Variants in CHEK2 observed in about 807,000 individuals in gnomAD.
The protein encoded by CHEK2 is checkpoint kinase 2, also known as serine/threonine-protein kinase Chk2.
In CHEK2, 71 loss-of-function variants were observed where a neutral mutation model predicts 69.1. The observed-to-expected ratio is 1.03, with a 90% CI of 0.85 to 1.25. CHEK2 has a LOEUF of 1.25. CHEK2 is among the 50% of genes most tolerant of loss of function. CHEK2 has a pLI of 0.00. For missense variants in CHEK2, 664 were observed against 649.6 expected (o/e 1.02, Z -0.24); for synonymous variants, 189 against 226.9 (o/e 0.83, Z 1.50).
intron 1 of CHEK2, among the ~76,000 whole-genome samples, chr22:28,736,633 G>A (rs2054414671): frequency 6.6e-6 from 1 of 152,166 alleles, no homozygotes; most frequent in Non-Finnish European, 1.5e-5. Context: ...GAATTAACCT[G>A]ATAGACAGTT....
chr22:28,707,779 G>A (rs544502480), intron 7 of CHEK2, among the ~76,000 whole-genome samples: 2 of 147,358 alleles, frequency 1.4e-5, no homozygotes, highest in South Asian at 2.2e-4. Context: ...CAAATGTTAT[G>A]TTTGAAGATC....
At chr22:28,730,626 G>A (rs1357702074) in intron 2 of CHEK2, 10 of 557,358 alleles carry the variant, frequency 1.8e-5, no homozygotes, top group African/African-American at 1.5e-4. Flanking sequence ...GGGAGGCCGA[G>A]GCGGGTGGAT....
chr22:28,741,240 A>T (rs910376052), intron 1 of CHEK2, among the ~76,000 whole-genome samples: 3 of 151,400 alleles, frequency 2.0e-5, no homozygotes, highest in African/African-American at 7.3e-5. Flanking sequence ...AAAATTCCAG[A>T]GGTCTTTCAA....
At chr22:28,731,707 T>C (rs1321275532) in intron 2 of CHEK2, among the ~76,000 whole-genome samples, 1 of 152,132 alleles carries the variant, frequency 6.6e-6, no homozygotes, top group Non-Finnish European at 1.5e-5. Context: ...TTTTTCCTTT[T>C]TGTGGAGAAT....
intron 2 of CHEK2, among the ~76,000 whole-genome samples, chr22:28,726,602 G>A (rs2054021679): frequency 6.9e-6 from 1 of 144,294 alleles, no homozygotes; most frequent in African/African-American, 2.5e-5. Context: ...ATTAATATAT[G>A]TATTTATATA....
chr22:28,732,110 T>A (rs1246000029), intron 2 of CHEK2, among the ~76,000 whole-genome samples: 3 of 151,468 alleles, frequency 2.0e-5, no homozygotes, highest in Non-Finnish European at 2.9e-5. Flanking sequence ...CCCCGCAAAT[T>A]TTTTTTTCTT....
intron 5 of CHEK2, among the ~76,000 whole-genome samples, chr22:28,714,000 T>C (rs2053501108): frequency 1.3e-5 from 2 of 152,230 alleles, no homozygotes; most frequent in South Asian, 2.1e-4. Flanking sequence ...GTTTTTTAAA[T>C]TGGGGAATTT....
intron 4 of CHEK2, among the ~76,000 whole-genome samples, chr22:28,722,329 AG>A (rs1601814023): frequency 1.3e-5 from 2 of 151,776 alleles, no homozygotes; most frequent in Non-Finnish European, 2.9e-5. Flanking sequence ...TCACGAGGTC[AG>A]GAGATGGAGA....
intron 8 of CHEK2, 90 bp from the exon 9 acceptor site, chr22:28,700,027 G>C: frequency 1.2e-6 from 1 of 838,070 alleles, no homozygotes; most frequent in Non-Finnish European, 2.0e-6. Flanking sequence ...AATTCATTAA[G>C]ACAAGCAAAC....
At chr22:28,725,887 C>A (rs904181292) in intron 2 of CHEK2, among the ~76,000 whole-genome samples, 1 of 143,376 alleles carries the variant, frequency 7.0e-6, no homozygotes, top group African/African-American at 2.6e-5. Context: ...CTAGCCTGGG[C>A]GACAGAGTGA....
Position 28,709,971 on chromosome 22 carries a change from A to G in CHEK2, c.846+35T>C, listed in dbSNP as rs17884483. The stretch of plus-strand genomic sequence containing the variant: ...ATACTCTTCTCATATTTTGAGATAG[A>G]TAAATCTAAGTATGAGTCATATAAT... On this transcript the variant is annotated intron_variant, in intron 7 of 14. Coordinates refer to ENST00000404276, the MANE Select transcript of CHEK2 (RefSeq NM_007194.4). 3.8e-4 allele frequency: 449 copies of G among 1,173,042 alleles called. 1 individual carries two copies. The African/African-American group carries it at 4.7e-3, about 12-fold the overall frequency. 72.7% of individuals were successfully genotyped at this position (1,173,042 alleles called of 1,614,324 possible).
Position 28,695,168 on chromosome 22 carries a change from T to C in CHEK2, c.1334A>G (p.Tyr445Cys), listed in dbSNP as rs778246892. The change falls in exon 12 of 15, where the codon TAC becomes TGC. Residue 445 changes from tyrosine to cysteine, a missense_variant. Coordinates refer to ENST00000404276, the MANE Select transcript of CHEK2 (RefSeq NM_007194.4). ...TGCCCAGACTTCAGGAATGAAGTTGTATTTTCCACTGGTGATCTGATCCTT... is the reference window on the plus strand; with the variant it reads ...TGCCCAGACTTCAGGAATGAAGTTGCATTTTCCACTGGTGATCTGATCCTT... ...SLKDQITSGKYNFIPEVWAEV... is the reference protein window; with the variant it reads ...SLKDQITSGKCNFIPEVWAEV... The C allele has an allele frequency of 2.5e-6, 4 of 1,613,496 alleles. No homozygotes were observed. The highest frequency in any genetic ancestry group is 3.4e-6 in the Non-Finnish European group (4 of 1,179,468).
At chr22:28,714,412 T>C (rs904984708) in intron 5 of CHEK2, among the ~76,000 whole-genome samples, 9 of 152,262 alleles carry the variant, frequency 5.9e-5, no homozygotes, top group Admixed American at 2.0e-4. Flanking sequence ...TTTTGTTTTG[T>C]TTTTAGAGAC....
intron 5 of CHEK2, among the ~76,000 whole-genome samples, chr22:28,713,273 A>G (rs954541357): frequency 1.3e-5 from 2 of 152,250 alleles, no homozygotes; most frequent in African/African-American, 4.8e-5. Context: ...GTATGACAAC[A>G]AAAGCATAAG....
chr22:28,693,040 T>C (rs1490047850), intron 13 of CHEK2, among the ~76,000 whole-genome samples: 2 of 152,158 alleles, frequency 1.3e-5, no homozygotes, highest in Non-Finnish European at 1.5e-5. Context: ...CTTTGTAAAT[T>C]ACCCAGTCTT....
chr22:28,687,916 A>G lies in CHEK2; in HGVS notation c.1613T>C (p.Val538Ala), dbSNP rs1415501996. The G allele has an allele frequency of 6.3e-7, 1 of 1,596,384 alleles. No individual in the cohort carries two copies. The highest frequency in any genetic ancestry group is 1.7e-5 in the Admixed American group (1 of 59,990). The stretch of plus-strand genomic sequence containing the variant: ...CGGAGTTCACAACACAGCAGCACAC[A>G]CAGCTGGGCGCTTTGTGGTCTCGGC... ...EGAETTKRPA[V>A]CAAVL is the part of the protein sequence containing the mutation. Residue 538 changes from valine (V) to alanine (A), a missense_variant, in exon 15 of 15, where the codon GTG becomes GCG. Val to Ala is a moderately conservative substitution (Grantham distance 64, BLOSUM62 0). Coordinates refer to ENST00000404276, the MANE Select transcript of CHEK2 (RefSeq NM_007194.4).
chr22:28,709,500 C>T (rs1226192247), intron 7 of CHEK2, among the ~76,000 whole-genome samples: 1 of 152,164 alleles, frequency 6.6e-6, no homozygotes, highest in Non-Finnish European at 1.5e-5. Context: ...CGGTATTGTT[C>T]ACTCAGTAAC....
intron 2 of CHEK2, among the ~76,000 whole-genome samples, chr22:28,730,983 T>G (rs969758178): frequency 3.3e-5 from 5 of 152,132 alleles, no homozygotes; most frequent in African/African-American, 1.2e-4. Context: ...ATGGATGTAT[T>G]GCTTGAGCTC....
chr22:28,700,211 CTTT>C (rs1188199517), intron 8 of CHEK2, among the ~76,000 whole-genome samples: 1 of 128,018 alleles, frequency 7.8e-6, no homozygotes, highest in Non-Finnish European at 1.7e-5. Context: ...CCAGGAGTTG[CTTT>C]TTTTTTTTTT....
Sources: allele counts gnomAD v4.1 joint callset (sites outside exome capture counted in the v4.1 genomes callset), GRCh38; gene constraint gnomAD v4.1.1; transcripts MANE v1.5; gene names NCBI Gene and HGNC (gene_info 2026-07-23, HGNC 2026-07-21).